Variants in ACTL6A observed in about 807,000 individuals in gnomAD.
ACTL6A encodes actin like 6A.
ACTL6A carries 5 observed loss-of-function variants against 59.2 expected under a neutral mutation model. The observed-to-expected ratio is 0.08, with a 90% CI of 0.04 to 0.18. The LOEUF (loss-of-function observed/expected upper bound fraction) is 0.18. ACTL6A is among the 10% of genes least tolerant of loss of function. The pLI, the probability that ACTL6A is intolerant of heterozygous loss-of-function variation, is 1.00. For missense variants in ACTL6A, 285 were observed against 526.9 expected (o/e 0.54, Z 4.49); for synonymous variants, 154 against 171.8 (o/e 0.90, Z 0.81).
chr3:179,563,134 G>C lies in ACTL6A; in HGVS notation c.25+17G>C, dbSNP rs778260186. 1 of 1,610,626 alleles carries C rather than the reference G, an allele frequency of 6.2e-7. No individual in the cohort carries two copies. Among genetic ancestry groups the C allele is most frequent in the Admixed American group, 1.7e-5 (1 of 59,764 alleles). On this transcript the variant is annotated intron_variant, in intron 1 of 13. Transcript: ENST00000429709. ...ACGGGGGAGGTGAGTGAGTGCGGCC[G>C]GACGAGAGAGCGCGCCTTTTCGGCG...
intron 4 of ACTL6A, 63 bp downstream of exon 4, chr3:179,573,532 CT>C: frequency 9.9e-7 from 1 of 1,006,068 alleles, no homozygotes; most frequent in Non-Finnish European, 1.4e-6. Flanking sequence ...TTTTTTTTTC[CT>C]TTAGTTTTCT....
intron 5 of ACTL6A, 141 bp from the exon 6 acceptor site, chr3:179,576,076 C>T: frequency 5.0e-6 from 3 of 597,936 alleles, no homozygotes; most frequent in Non-Finnish European, 8.6e-6. Context: ...AATTTTTATC[C>T]CTAGATTCAC....
intron 11 of ACTL6A, 47 bp downstream of exon 11, chr3:179,581,267 C>A: frequency 6.9e-7 from 1 of 1,447,198 alleles, no homozygotes; most frequent in Non-Finnish European, 9.7e-7. Context: ...TTTTAGGGGA[C>A]TGAAATGTCC....
intron 8 of ACTL6A, among the ~76,000 whole-genome samples, chr3:179,579,516 C>T (rs1173290941): frequency 1.3e-5 from 2 of 150,266 alleles, no homozygotes; most frequent in Non-Finnish European, 2.9e-5. Context: ...TGGCTGGGCA[C>T]GGTGGCTCAT....
intron 1 of ACTL6A, among the ~76,000 whole-genome samples, chr3:179,569,336 T>G (rs1438361645): frequency 1.3e-5 from 2 of 152,232 alleles, no homozygotes; most frequent in African/African-American, 4.8e-5. Flanking sequence ...ATTATAGTAC[T>G]GGGGTACTGT....
At position 179,570,353 on chromosome 3, in the gene ACTL6A, G is replaced by GT; in HGVS notation, c.277+118dup. 2.0e-6 allele frequency: 2 copies of GT among 1,012,112 alleles called. No homozygotes were observed. Among genetic ancestry groups the GT allele is most frequent in the Non-Finnish European group, 2.7e-6 (2 of 728,638 alleles). 62.7% of individuals were successfully genotyped at this position (1,012,112 alleles called of 1,614,324 possible). On this transcript the variant is annotated intron_variant, in intron 3 of 13. Coordinates refer to ENST00000429709, the MANE Select transcript of ACTL6A (RefSeq NM_004301.5). This position sits in a 1 kb window ranked among gnomAD's most constrained non-coding sequence, Gnocchi z 4.3. ...CAACCATGGTTTTTTGTTTTGTTTT[G>GT]TTTTTTATTCCACAAACTGATTTCC...
chr3:179,579,569 CTT>C (rs1434020025), intron 8 of ACTL6A, among the ~76,000 whole-genome samples: 2 of 152,002 alleles, frequency 1.3e-5, no homozygotes, highest in African/African-American at 2.4e-5. Flanking sequence ...CAGTGGATCA[CTT>C]GAGGCAAGGA....
chr3:179,574,759 G>A (rs1244572099), intron 5 of ACTL6A: 1 of 220,652 alleles, frequency 4.5e-6, no homozygotes, highest in Non-Finnish European at 8.9e-6. Flanking sequence ...AGTTGGCTTA[G>A]GTGAATTGAA....
chr3:179,575,241 G>A (rs577082850), intron 5 of ACTL6A: 3 of 378,570 alleles, frequency 7.9e-6, no homozygotes, highest in Admixed American at 7.0e-5. Flanking sequence ...GGTACTTGCA[G>A]TTCTCTGACC....
intron 5 of ACTL6A, among the ~76,000 whole-genome samples, chr3:179,575,854 C>T (rs964073919): frequency 6.6e-6 from 1 of 152,186 alleles, no homozygotes; most frequent in African/African-American, 2.4e-5. Flanking sequence ...ACTGTTCTTA[C>T]CAAGTTTCTG....
intron 1 of ACTL6A, among the ~76,000 whole-genome samples, chr3:179,565,952 G>A (rs931394376): frequency 4.6e-5 from 7 of 152,158 alleles, no homozygotes; most frequent in South Asian, 2.1e-4. Flanking sequence ...GTAGTTTCCC[G>A]GTTGAGATAA....
intron 4 of ACTL6A, 71 bp from the exon 5 acceptor site, chr3:179,574,299 A>C: frequency 1.1e-6 from 1 of 895,596 alleles, no homozygotes; most frequent in Non-Finnish European, 1.9e-6. Context: ...ATATAGTGCT[A>C]GATTTTATCT....
chr3:179,569,804 ATTATCT>A lies in ACTL6A; in HGVS notation c.26-16_26-11del, dbSNP rs1717948056. 6.2e-7 allele frequency: 1 copy of A among 1,610,056 alleles called. No individual in the cohort carries two copies. Among genetic ancestry groups the A allele is most frequent in the African/African-American group, 1.3e-5 (1 of 74,844 alleles). On this transcript the variant is annotated splice_polypyrimidine_tract_variant and intron_variant, in intron 1 of 13. Transcript: ENST00000429709. ...ATACTTTTGCAAGCTGTTAATGCTA[ATTATCT>A]TTAATCTTTTCAGATGAAGTTGGAG... is the stretch of plus-strand genomic sequence containing the variant.
chr3:179,587,811 C>A, intron 13 of ACTL6A, 119 bp from the exon 14 acceptor site: 1 of 700,320 alleles, frequency 1.4e-6, no homozygotes, highest in Non-Finnish European at 2.3e-6. Flanking sequence ...GCTACAATCA[C>A]GCCATTGCAC....
intron 8 of ACTL6A, among the ~76,000 whole-genome samples, chr3:179,577,560 G>T (rs771510886): frequency 9.2e-5 from 14 of 152,050 alleles, no homozygotes; most frequent in Non-Finnish European, 1.8e-4. Context: ...TCATGTCACG[G>T]AAGTTTGTTG....
chr3:179,569,654 G>A (rs1717943320), intron 1 of ACTL6A, among the ~76,000 whole-genome samples, 170 bp from the exon 2 acceptor site: 1 of 152,094 alleles, frequency 6.6e-6, no homozygotes, highest in Non-Finnish European at 1.5e-5. Context: ...GGGCAACATA[G>A]TGAGACCTTA....
Position 179,588,177 on chromosome 3 carries a change from G to T in ACTL6A, c.*167G>T. ...TTAACTGGCTCTATAAATTAAGTTTGTGCTTTCCTTGAAATGCACTTATTC... is the reference window on the plus strand; with the variant it reads ...TTAACTGGCTCTATAAATTAAGTTTTTGCTTTCCTTGAAATGCACTTATTC... On this transcript the variant is annotated 3_prime_UTR_variant, in exon 14 of 14. Transcript: ENST00000429709. 2 of 493,020 alleles carry T rather than the reference G, an allele frequency of 4.1e-6. No homozygotes were observed. The highest frequency in any genetic ancestry group is 4.3e-5 in the South Asian group (1 of 23,286). The allele number at this position is 493,020 out of a possible 1,614,324, so 30.5% of individuals were successfully genotyped here.
chr3:179,576,980 T>G, intron 8 of ACTL6A, 67 bp downstream of exon 8: 1 of 1,287,800 alleles, frequency 7.8e-7, no homozygotes, highest in Admixed American at 2.2e-5. Flanking sequence ...AAAAAAGTTA[T>G]ATATAGGCTG....
chr3:179,566,589 G>C (rs1350833540), intron 1 of ACTL6A, among the ~76,000 whole-genome samples: 1 of 152,180 alleles, frequency 6.6e-6, no homozygotes, highest in African/African-American at 2.4e-5. Flanking sequence ...GGTTTCTTCT[G>C]AGGTCTGTCT....
Sources: gnomAD v4.1 joint callset for allele counts (sites outside exome capture counted in the v4.1 genomes callset) on GRCh38, gnomAD v4.1.1 for gene constraint, Gnocchi (gnomAD v3.1) non-coding constraint, MANE v1.5 for transcripts, NCBI Gene and HGNC (gene_info 2026-07-23, HGNC 2026-07-21) for gene names.